The following NPEPL1 variants were observed in gnomAD, a reference collection of about 807,000 sequenced individuals.
The protein encoded by NPEPL1 is aminopeptidase like 1.
Under a neutral mutation model 52.4 loss-of-function variants are expected in NPEPL1, and 45 were observed. The observed-to-expected ratio is 0.86, with a 90% CI of 0.68 to 1.10. The LOEUF (loss-of-function observed/expected upper bound fraction) is 1.10, where lower values mean the gene tolerates loss of function less well. Ranked by LOEUF, NPEPL1 falls within the 50% of genes least tolerant of loss-of-function variation. The pLI, the probability that NPEPL1 is intolerant of heterozygous loss-of-function variation, is 0.00. For missense variants in NPEPL1, 696 were observed against 710.9 expected (o/e 0.98, Z 0.24); for synonymous variants, 360 against 314.7 (o/e 1.14, Z -1.52).
chr20:58,690,101 AG>A (rs1322092742), upstream of NPEPL1, among the ~76,000 whole-genome samples: 1 of 152,256 alleles, frequency 6.6e-6, no homozygotes. Flanking sequence ...AAACACCTAG[AG>A]CCATCTTACA....
chr20:58,695,219 C>T (rs376587880), intron 3 of NPEPL1, among the ~76,000 whole-genome samples: 2 of 1,220 alleles, frequency 1.6e-3, no homozygotes, highest in African/African-American at 7.0e-3. Context: ...GCATGAGCAG[C>T]ATGTGTTGCT....
At chr20:58,693,101 C>T (rs978206982) in intron 1 of NPEPL1, 51 bp downstream of exon 1, 3 of 986,394 alleles carry the variant, frequency 3.0e-6, no homozygotes, top group Non-Finnish European at 3.6e-6. Context: ...AGCCCAGGCC[C>T]GGGCGGCCCG....
chr20:58,705,606 T>G (rs1452424141), intron 6 of NPEPL1: 2 of 448,254 alleles, frequency 4.5e-6, no homozygotes, highest in Non-Finnish European at 4.5e-6. Flanking sequence ...AGAGACCGTC[T>G]TAAATCACTG....
At chr20:58,691,712 T>TTTTTTTTTTTTTTTTTTTC, upstream of NPEPL1, 1 of 692,990 alleles carries the variant, frequency 1.4e-6, no homozygotes, top group Non-Finnish European at 2.3e-6. Flanking sequence ...TTTTTTTTTT[T>TTTTTTTTTTTTTTTTTTTC]TTCATTTTTA....
intron 6 of NPEPL1, chr20:58,704,431 G>T: frequency 1.1e-6 from 1 of 900,760 alleles, no homozygotes; most frequent in Non-Finnish European, 1.3e-6. Context: ...GTATAACAAT[G>T]TCTATTGATA....
rs1272842079 is a variant in NPEPL1 at position 58,712,586 on chromosome 20, C to G, written c.1001+7C>G. ...ACCTGCTGTACTCAGGGAAGTACGT[C>G]TGGCCCTCCCACTCCTTCCTGCCCA... On this transcript the variant is annotated splice_region_variant and intron_variant, in intron 8 of 11. Transcript: ENST00000356091. 1.3e-6 allele frequency: 2 copies of G among 1,593,590 alleles called. No individual in the cohort carries two copies. Among genetic ancestry groups the G allele is most frequent in the Non-Finnish European group, 1.7e-6 (2 of 1,161,504 alleles).
rs796328849 is a variant in NPEPL1 at position 58,694,988 on chromosome 20, T to G, written c.507+396T>G. ...AGTGTATGTGCATGTGTTGTATGTG[T>G]GGGGGGTGTGTGTGTGCATGTGTGA... On this transcript the variant is annotated intron_variant, in intron 3 of 11. Coordinates refer to ENST00000356091, the MANE Select transcript of NPEPL1 (RefSeq NM_024663.4). Among the ~76,000 whole-genome samples the G allele has an allele frequency of 6.6e-4, 98 of 148,212 alleles. 1 individual carries two copies. The highest frequency in any genetic ancestry group is 2.4e-3 in the African/African-American group (96 of 39,540).
At chr20:58,701,607 T>C (rs2084623756) in intron 6 of NPEPL1, among the ~76,000 whole-genome samples, 1 of 151,774 alleles carries the variant, frequency 6.6e-6, no homozygotes, top group Non-Finnish European at 1.5e-5. Flanking sequence ...GCCCCGGAAA[T>C]GACGGAAGAA....
chr20:58,701,712 C>T (rs909602529), intron 6 of NPEPL1, among the ~76,000 whole-genome samples: 2 of 152,138 alleles, frequency 1.3e-5, no homozygotes. Context: ...TGAGTCTGCC[C>T]ATGGTCCCCA....
intron 7 of NPEPL1, among the ~76,000 whole-genome samples, chr20:58,708,935 CT>C (rs2084785531): frequency 1.3e-5 from 2 of 151,804 alleles, no homozygotes; most frequent in Admixed American, 1.3e-4. Context: ...CCGTTCACCC[CT>C]GGTTACTCCT....
chr20:58,704,437 T>G, intron 6 of NPEPL1: 1 of 899,898 alleles, frequency 1.1e-6, no homozygotes, highest in Non-Finnish European at 1.3e-6. Context: ...CAATGTCTAT[T>G]GATATTTACT....
intron 6 of NPEPL1, chr20:58,703,843 G>T (rs1283950313): frequency 1.0e-6 from 1 of 984,774 alleles, no homozygotes; most frequent in South Asian, 4.7e-5. Flanking sequence ...AGAGAGTAGG[G>T]CATTTTCCAT....
chr20:58,706,592 G>A (rs2084736183), intron 6 of NPEPL1, among the ~76,000 whole-genome samples: 1 of 152,180 alleles, frequency 6.6e-6, no homozygotes, highest in Admixed American at 6.5e-5. Flanking sequence ...AAGCACGCAA[G>A]CCCACCCAGG....
At chr20:58,703,603 C>T in intron 6 of NPEPL1, 1 of 985,290 alleles carries the variant, frequency 1.0e-6, no homozygotes, top group South Asian at 4.7e-5. Context: ...AGAAGATGAG[C>T]TTCCTGGGAA....
chr20:58,694,030 C>T lies in NPEPL1; in HGVS notation c.336+108C>T, dbSNP rs1296954096. On this transcript the variant is annotated intron_variant, in intron 2 of 11. Transcript: ENST00000356091. Reference sequence around the variant, plus strand: ...CAGACTGCAGCGCACGCCCAGAGGGCTGTGGACGTTATCATCCCTGCTCTG... The same window carrying T: ...CAGACTGCAGCGCACGCCCAGAGGGTTGTGGACGTTATCATCCCTGCTCTG... 9 of 1,093,854 alleles carry T rather than the reference C, an allele frequency of 8.2e-6. No individual in the cohort carries two copies. In the South Asian group the frequency reaches 9.7e-5, roughly 12 times the overall value. The allele number at this position is 1,093,854 out of a possible 1,614,324, so 67.8% of individuals were successfully genotyped here. A position where few individuals can be genotyped will look rare whatever the true frequency, so the allele number is the denominator to read the frequency against.
At position 58,699,233 on chromosome 20, in the gene NPEPL1, C is replaced by A; in HGVS notation, c.634C>A (p.Pro212Thr). The change falls in exon 5 of 12, where the codon CCA becomes ACA. Residue 212 changes from proline to threonine, a missense_variant. Transcript: ENST00000356091. ...AGTTGGAAAGGAGCTGGGGATCATC[C>A]CAACCATCATCCGGGATGAGGAACT... ...NKVGKELGII[P>T]TIIRDEELKT... is the part of the protein sequence containing the mutation. 1 of 1,605,814 alleles carries A rather than the reference C, an allele frequency of 6.2e-7. No homozygotes were observed. The highest frequency in any genetic ancestry group is 1.1e-5 in the South Asian group (1 of 89,176).
At chr20:58,697,185 C>T (rs2086447352) in intron 3 of NPEPL1, among the ~76,000 whole-genome samples, 1 of 152,212 alleles carries the variant, frequency 6.6e-6, no homozygotes, top group Admixed American at 6.5e-5. Context: ...AGTGGTCCTC[C>T]TCTCATGGTA....
intron 11 of NPEPL1, chr20:58,714,882 A>G: frequency 3.3e-6 from 2 of 610,472 alleles, no homozygotes; most frequent in Non-Finnish European, 5.7e-6. Context: ...CCTGTCCTCC[A>G]TAGGGGATCC....
Position 58,693,765 on chromosome 20 carries a change from AC to A in NPEPL1, c.183del (p.Asn62ThrfsTer10). 1 of 1,612,342 alleles carries A rather than the reference AC, an allele frequency of 6.2e-7. No individual in the cohort carries two copies. The highest frequency in any genetic ancestry group is 2.2e-5 in the East Asian group (1 of 44,764). Reference sequence around the variant, plus strand: ...TGGCAGGCTGCCCTGAGCACGCTCAACCCCAACCCCACGGACAGCTGTCCCC... The same window carrying A: ...TGGCAGGCTGCCCTGAGCACGCTCAACCCAACCCCACGGACAGCTGTCCCC... ...ELWQAALSTL[N>X]PNPTDSCPLY... On this transcript the variant is annotated frameshift_variant, in exon 2 of 12. Transcript: ENST00000356091. LOFTEE classifies it high-confidence loss of function.
Sources: allele counts gnomAD v4.1 joint callset (sites outside exome capture counted in the v4.1 genomes callset), GRCh38; gene constraint gnomAD v4.1.1; transcripts MANE v1.5; gene names NCBI Gene and HGNC (gene_info 2026-07-23, HGNC 2026-07-21).